The following FHIT variants were observed in gnomAD, a reference collection of about 807,000 sequenced individuals.
The protein encoded by FHIT is bis(5'-adenosyl)-triphosphatase.
In FHIT, 19 loss-of-function variants were observed where a neutral mutation model predicts 17.9. That is an observed-to-expected ratio of 1.06 (90% CI 0.74 to 1.56). The LOEUF (loss-of-function observed/expected upper bound fraction) is 1.56, where lower values mean the gene tolerates loss of function less well. FHIT is among the 40% of genes most tolerant of loss of function. FHIT has a pLI of 0.00. For missense variants in FHIT, 248 were observed against 189.2 expected (o/e 1.31, Z -1.82); for synonymous variants, 81 against 69.7 (o/e 1.16, Z -0.81).
At chr3:60,314,625 G>A (rs114895945) in intron 5 of FHIT, among the ~76,000 whole-genome samples, 10 of 152,298 alleles carry the variant, frequency 6.6e-5, no homozygotes, top group Non-Finnish European at 1.2e-4. Context: ...TGAGAGTAAT[G>A]AGGTTGATCT....
chr3:61,076,165 G>T (rs1384342768), intron 2 of FHIT, among the ~76,000 whole-genome samples: 1 of 152,156 alleles, frequency 6.6e-6, no homozygotes, highest in Non-Finnish European at 1.5e-5. Context: ...CAGATAATCT[G>T]CGATATCAAC....
At chr3:60,680,090 A>G (rs184826071) in intron 4 of FHIT, among the ~76,000 whole-genome samples, 2 of 152,204 alleles carry the variant, frequency 1.3e-5, no homozygotes, top group African/African-American at 2.4e-5. Context: ...CATGTGGGCC[A>G]TGGGAGTTGC....
At chr3:59,879,126 A>G (rs896098674) in intron 8 of FHIT, among the ~76,000 whole-genome samples, 2 of 152,124 alleles carry the variant, frequency 1.3e-5, no homozygotes, top group Non-Finnish European at 2.9e-5. Flanking sequence ...TAATTATTTC[A>G]CTTCTCCCAG....
chr3:60,846,706 G>A (rs1419788796), intron 3 of FHIT, among the ~76,000 whole-genome samples: 1 of 152,200 alleles, frequency 6.6e-6, no homozygotes, highest in Non-Finnish European at 1.5e-5. Context: ...GTGATGAAGT[G>A]CAAAGCTGTA....
chr3:60,060,765 T>G (rs1474502023), intron 5 of FHIT, among the ~76,000 whole-genome samples: 1 of 152,210 alleles, frequency 6.6e-6, no homozygotes, highest in Non-Finnish European at 1.5e-5. Context: ...TGGTTTTGGT[T>G]TGTTTTCTAC....
At chr3:60,841,878 G>C (rs1322176332) in intron 3 of FHIT, among the ~76,000 whole-genome samples, 3 of 152,092 alleles carry the variant, frequency 2.0e-5, no homozygotes, top group African/African-American at 7.2e-5. Flanking sequence ...AAAAATTTCT[G>C]ATATTTCCAT....
At chr3:60,523,376 A>T (rs2035447477) in intron 5 of FHIT, among the ~76,000 whole-genome samples, 1 of 152,106 alleles carries the variant, frequency 6.6e-6, no homozygotes. Context: ...GTCACCTTAA[A>T]TCATGTTTTA....
At chr3:60,782,235 G>GTATATATATATATA (rs879948599) in intron 4 of FHIT, among the ~76,000 whole-genome samples, 16 of 76,222 alleles carry the variant, frequency 2.1e-4, no homozygotes, top group African/African-American at 5.8e-4. Flanking sequence ...GTGTGTGTGT[G>GTATATATATATATA]TGTATATATA....
intron 5 of FHIT, among the ~76,000 whole-genome samples, chr3:60,213,889 C>G (rs931633936): frequency 6.6e-6 from 1 of 152,190 alleles, no homozygotes; most frequent in African/African-American, 2.4e-5. Context: ...TGCCTATCTA[C>G]ATCTCCTATC....
At chr3:60,151,429 CAA>C (rs1700459682) in intron 5 of FHIT, among the ~76,000 whole-genome samples, 1 of 152,116 alleles carries the variant, frequency 6.6e-6, no homozygotes, top group South Asian at 2.1e-4. Context: ...CTAATCAGTC[CAA>C]ACTTAGTCCC....
At chr3:59,963,475 G>GGA (rs140623097) in intron 7 of FHIT, among the ~76,000 whole-genome samples, 8 of 150,798 alleles carry the variant, frequency 5.3e-5, no homozygotes, top group Non-Finnish European at 7.4e-5. Flanking sequence ...AGAAGGAGGA[G>GGA]GAGAGAGAGA....
chr3:60,640,717 G>A (rs2107790483), intron 4 of FHIT, among the ~76,000 whole-genome samples: 1 of 152,190 alleles, frequency 6.6e-6, no homozygotes, highest in Non-Finnish European at 1.5e-5. Context: ...AAAATGTGAG[G>A]AAATGAATGA....
chr3:60,784,503 T>C lies in FHIT; in HGVS notation c.-18+37416A>G, dbSNP rs1700499018. On this transcript the variant is annotated intron_variant, in intron 4 of 9. Transcript: ENST00000492590. Reference sequence around the variant, plus strand: ...GGCGTGCCCCACCACACTCAGCTAATTTTTGTCCTTTTAGTAGAGATGGGG... The same window carrying C: ...GGCGTGCCCCACCACACTCAGCTAACTTTTGTCCTTTTAGTAGAGATGGGG... Among the ~76,000 whole-genome samples, 3 of 152,236 alleles carry C rather than the reference T, an allele frequency of 2.0e-5. No individual in the cohort carries two copies. In the East Asian group the frequency reaches 5.8e-4, roughly 30 times the overall value.
chr3:60,590,855 A>T (rs1286088715), intron 4 of FHIT, among the ~76,000 whole-genome samples: 1 of 152,098 alleles, frequency 6.6e-6, no homozygotes, highest in African/African-American at 2.4e-5. Context: ...CTATGGCAGG[A>T]TTACAGAAAA....
At chr3:61,012,240 A>G (rs2031831684) in intron 3 of FHIT, among the ~76,000 whole-genome samples, 1 of 152,202 alleles carries the variant, frequency 6.6e-6, no homozygotes, top group South Asian at 2.1e-4. Context: ...GGTATAATTA[A>G]TGGGCATTTG....
At chr3:60,499,749 C>T (rs1466850534) in intron 5 of FHIT, among the ~76,000 whole-genome samples, 2 of 152,040 alleles carry the variant, frequency 1.3e-5, no homozygotes, top group African/African-American at 4.8e-5. Flanking sequence ...TTCTTGTTTC[C>T]TTCTACCTGG....
intron 4 of FHIT, among the ~76,000 whole-genome samples, chr3:60,573,757 AAG>A (rs1553656592): frequency 6.6e-6 from 1 of 152,056 alleles, no homozygotes; most frequent in African/African-American, 2.4e-5. Flanking sequence ...GAGAAAACGA[AAG>A]AGTCTGCTAT....
At chr3:60,069,047 C>T (rs1343447625) in intron 5 of FHIT, among the ~76,000 whole-genome samples, 1 of 152,020 alleles carries the variant, frequency 6.6e-6, no homozygotes, top group African/African-American at 2.4e-5. Context: ...AAGGACAAAG[C>T]TCCAAAACAT....
chr3:60,417,562 AAAGCACTTGGGGGAC>A (rs1702297859), intron 5 of FHIT, among the ~76,000 whole-genome samples: 1 of 152,200 alleles, frequency 6.6e-6, no homozygotes, highest in Non-Finnish European at 1.5e-5. Context: ...CACATAATTA[AAAGCACTTGGGGGAC>A]TCCTGAACAG....
Sources: gnomAD v4.1 joint callset for allele counts (sites outside exome capture counted in the v4.1 genomes callset) on GRCh38, gnomAD v4.1.1 for gene constraint, MANE v1.5 for transcripts, NCBI Gene and HGNC (gene_info 2026-07-23, HGNC 2026-07-21) for gene names.